The following PTPRG variants were observed in gnomAD, a reference collection of about 807,000 sequenced individuals.
PTPRG encodes receptor-type tyrosine-protein phosphatase gamma.
PTPRG carries 102 observed loss-of-function variants against 165.3 expected under a neutral mutation model. That is an observed-to-expected ratio of 0.62 (90% CI 0.53 to 0.73). The LOEUF is 0.73. Among genes scored for constraint, PTPRG ranks in the 30% least tolerant of loss-of-function variants. PTPRG has a pLI of 0.00. For missense variants in PTPRG, 1,866 were observed against 1,861.4 expected, an observed-to-expected ratio of 1.00 and a Z score of -0.05; for synonymous variants, 675 against 669.5, an observed-to-expected ratio of 1.01 and a Z score of -0.13.
chr3:61,817,068 C>T (rs1400590507), intron 2 of PTPRG, among the ~76,000 whole-genome samples: 1 of 125,948 alleles, frequency 7.9e-6, no homozygotes, highest in African/African-American at 3.0e-5. Flanking sequence ...ATATATAATA[C>T]ATATATTATA....
At chr3:61,678,367 T>C (rs1001473701) in intron 1 of PTPRG, among the ~76,000 whole-genome samples, 4 of 152,240 alleles carry the variant, frequency 2.6e-5, no homozygotes, top group African/African-American at 9.6e-5. Context: ...TGTTTTACAA[T>C]GTCTGGCGTA....
At chr3:61,888,793 T>G (rs932448447) in intron 2 of PTPRG, among the ~76,000 whole-genome samples, 1 of 152,224 alleles carries the variant, frequency 6.6e-6, no homozygotes, top group Non-Finnish European at 1.5e-5. Flanking sequence ...GATCATACAT[T>G]GCATTTTGTT....
chr3:62,055,961 G>A (rs568721620), intron 4 of PTPRG, among the ~76,000 whole-genome samples: 1 of 152,268 alleles, frequency 6.6e-6, no homozygotes, highest in East Asian at 1.9e-4. Flanking sequence ...AAAATCTTTT[G>A]GGAAGATATA....
intron 12 of PTPRG, among the ~76,000 whole-genome samples, chr3:62,209,184 G>A (rs1460492567): frequency 6.6e-6 from 1 of 152,180 alleles, no homozygotes; most frequent in East Asian, 1.9e-4. Context: ...CTTCTCCCTA[G>A]GAACATTTGG....
intron 4 of PTPRG, among the ~76,000 whole-genome samples, chr3:62,067,932 A>G (rs1482077277): frequency 1.3e-5 from 2 of 152,136 alleles, no homozygotes; most frequent in African/African-American, 4.8e-5. Flanking sequence ...TGTTAAGAAC[A>G]CTGCTCTGGA....
At position 62,195,369 on chromosome 3, in the gene PTPRG, G is replaced by GA. The variant is rs1032420240; in HGVS notation, c.1327+205dup. 2.8e-4 allele frequency among the ~76,000 whole-genome samples: 42 copies of GA among 152,150 alleles called. 1 individual carries two copies. The highest frequency in any genetic ancestry group is 2.2e-3 in the Admixed American group (34 of 15,274). ...GAGGTTTTATCGGCAGAAGAGGGGA[G>GA]AAAAAACAAAACATTTTTGATTGTT... On this transcript the variant is annotated intron_variant, in intron 10 of 29. Transcript: ENST00000474889. The surrounding 1 kb of genome is among the most constrained non-coding windows in gnomAD (Gnocchi z 4.4).
intron 1 of PTPRG, among the ~76,000 whole-genome samples, chr3:61,601,264 A>G (rs1700859312): frequency 6.6e-6 from 1 of 152,174 alleles, no homozygotes; most frequent in Admixed American, 6.5e-5. Flanking sequence ...TCAAAAAGCA[A>G]AACAGAGCAA....
chr3:61,733,371 A>C (rs999043850), intron 1 of PTPRG, among the ~76,000 whole-genome samples: 1 of 151,954 alleles, frequency 6.6e-6, no homozygotes, highest in Non-Finnish European at 1.5e-5. Flanking sequence ...GTGTGTATTC[A>C]TTTCTCTGTC....
intron 2 of PTPRG, among the ~76,000 whole-genome samples, chr3:61,887,043 G>A (rs988938134): frequency 1.4e-5 from 2 of 145,372 alleles, no homozygotes; most frequent in Non-Finnish European, 3.0e-5. Context: ...ACTAGTAAGA[G>A]GAAACATCTC....
intron 4 of PTPRG, among the ~76,000 whole-genome samples, chr3:62,008,771 TC>T (rs1261509141): frequency 6.6e-6 from 1 of 152,150 alleles, no homozygotes; most frequent in Non-Finnish European, 1.5e-5. Flanking sequence ...GCAGCCTAGA[TC>T]CCTCGCACGT....
At position 62,127,847 on chromosome 3, in the gene PTPRG, A is replaced by G. The variant is rs562537141; in HGVS notation, c.616-4755A>G. Among the ~76,000 whole-genome samples the G allele has an allele frequency of 2.7e-4, 41 of 152,322 alleles. 2 individuals carry two copies. In the South Asian group the frequency reaches 7.7e-3, roughly 28 times the overall value. On this transcript the variant is annotated intron_variant, in intron 5 of 29. Transcript: ENST00000474889. Reference sequence around the variant, plus strand: ...CTTCCTTTTCATTTTACTTCAAGCAAGAGTAAACACAGGCCCTCCTGTAGA... The same window carrying G: ...CTTCCTTTTCATTTTACTTCAAGCAGGAGTAAACACAGGCCCTCCTGTAGA...
At chr3:61,709,861 G>C (rs1440417457) in intron 1 of PTPRG, among the ~76,000 whole-genome samples, 1 of 152,128 alleles carries the variant, frequency 6.6e-6, no homozygotes, top group Non-Finnish European at 1.5e-5. Flanking sequence ...AATTTTAGTA[G>C]GGCCCTGAAT....
intron 1 of PTPRG, among the ~76,000 whole-genome samples, chr3:61,631,071 G>GA (rs910839355): frequency 9.4e-5 from 14 of 148,788 alleles, no homozygotes; most frequent in South Asian, 4.3e-4. Flanking sequence ...AAAGAAAAAA[G>GA]AAAAAAAAAG....
intron 1 of PTPRG, among the ~76,000 whole-genome samples, chr3:61,597,697 G>A (rs1456012583): frequency 6.6e-6 from 1 of 152,128 alleles, no homozygotes; most frequent in African/African-American, 2.4e-5. Context: ...CTATTAAAAT[G>A]GATAAATCTG....
intron 5 of PTPRG, among the ~76,000 whole-genome samples, chr3:62,090,705 G>A (rs986820377): frequency 2.0e-5 from 3 of 152,146 alleles, no homozygotes; most frequent in East Asian, 1.9e-4. Flanking sequence ...ATGTGTCAGC[G>A]CCTCTGATAA....
At position 62,080,061 on chromosome 3, in the gene PTPRG, C is replaced by CTTTTTTT. The variant is rs774262138; in HGVS notation, c.615+1803_615+1804insTTTTTTT. On this transcript the variant is annotated intron_variant, in intron 5 of 29. Coordinates refer to ENST00000474889, the MANE Select transcript of PTPRG (RefSeq NM_002841.4). ...GAGTTCTGTCTGGACCCCTTCGGTT[C>CTTTTTTT]ATTTTTTTTTTTTTTTTTTTTGAGA... Among the ~76,000 whole-genome samples, 39 of 111,564 alleles carry CTTTTTTT rather than the reference C, an allele frequency of 3.5e-4. 6 individuals carry two copies. The highest frequency in any genetic ancestry group is 1.2e-3 in the African/African-American group (33 of 27,798). 73.2% of individuals were successfully genotyped at this position (111,564 alleles called of 152,430 possible).
intron 1 of PTPRG, among the ~76,000 whole-genome samples, chr3:61,638,146 G>A (rs555408355): frequency 2.6e-5 from 4 of 152,272 alleles, no homozygotes; most frequent in African/African-American, 9.6e-5. Context: ...GTATTCCCAA[G>A]TGGCCTTATA....
intron 3 of PTPRG, among the ~76,000 whole-genome samples, chr3:61,992,240 C>A (rs1001122063): frequency 8.6e-6 from 1 of 115,666 alleles, no homozygotes; most frequent in Admixed American, 7.9e-5. Flanking sequence ...AAAGAACATG[C>A]ATTTTTGCAT....
chr3:62,119,418 G>A (rs1426343844), intron 5 of PTPRG, among the ~76,000 whole-genome samples: 1 of 152,190 alleles, frequency 6.6e-6, no homozygotes, highest in Non-Finnish European at 1.5e-5. Flanking sequence ...TGAGGAATGA[G>A]CGGCCTAATC....
Sources: allele counts gnomAD v4.1 joint callset (sites outside exome capture counted in the v4.1 genomes callset), GRCh38; gene constraint gnomAD v4.1.1; non-coding constraint Gnocchi (gnomAD v3.1); transcripts MANE v1.5; gene names NCBI Gene and HGNC (gene_info 2026-07-23, HGNC 2026-07-21).